Variants in MAGEB1 observed in about 807,000 individuals in gnomAD.
The protein encoded by MAGEB1 is melanoma-associated antigen B1.
For synonymous variants in MAGEB1, 99 were observed against 105.7 expected (o/e 0.94, Z 0.39); for missense variants, 290 against 286.7 (o/e 1.01, Z -0.08).
At chrX:30,248,833 C>T (rs960497298) in intron 1 of MAGEB1, among the ~76,000 whole-genome samples, 33 of 111,936 alleles carry the variant, frequency 2.9e-4, no homozygotes, top group African/African-American at 9.4e-4. Context: ...GAAAGAAACA[C>T]GGAATTCCTT....
chrX:30,251,040 C>T lies in MAGEB1; in HGVS notation c.547C>T (p.Leu183Phe). 8.3e-7 allele frequency: 1 copy of T among 1,211,209 alleles called. No homozygotes were observed. Among genetic ancestry groups the T allele is most frequent in the Non-Finnish European group, 1.1e-6 (1 of 895,199 alleles). ...CTACACCCTCGTCAGTAAGCTAAAC[C>T]TCACCAATGATGGAAACCTGAGCAA... ...HTYTLVSKLN[L>F]TNDGNLSNDW... The change falls in exon 2 of 2, where the codon CTC (leucine) becomes TTC (phenylalanine). Residue 183 changes from leucine (L) to phenylalanine (F), a missense_variant. Physicochemically the swap from Leu to Phe is conservative, Grantham distance 22 (BLOSUM62 0). Coordinates refer to ENST00000397548, the MANE Select transcript of MAGEB1 (RefSeq NM_177404.3).
rs1355924875 is a variant in MAGEB1, at chrX:30,251,114, G to A, written c.621G>A (p.Val207=). ...GGCTTCTGATGCCTCTCCTGGGTGTGATCTTCTTAAAGGGCAACTCTGCCA... is the reference window on the plus strand; with the variant it reads ...GGCTTCTGATGCCTCTCCTGGGTGTAATCTTCTTAAAGGGCAACTCTGCCA... ...RNGLLMPLLG[V]IFLKGNSATE... Residue 207 remains valine, a synonymous_variant, in exon 2 of 2, where the codon GTG becomes GTA. Transcript: ENST00000397548. The A allele has an allele frequency of 1.7e-6, 2 of 1,210,817 alleles. No homozygotes were observed. Among genetic ancestry groups the A allele is most frequent in the African/African-American group, 3.5e-5 (2 of 57,841 alleles).
intron 1 of MAGEB1, among the ~76,000 whole-genome samples, chrX:30,248,267 A>C (rs1925396297): frequency 8.9e-6 from 1 of 112,012 alleles, no homozygotes; most frequent in African/African-American, 3.2e-5. Flanking sequence ...TCATAGTCTT[A>C]GAGAGAGGAG....
chrX:30,251,150 G>T lies in MAGEB1; in HGVS notation c.657G>T (p.Glu219Asp), dbSNP rs1172427053. 3 of 1,211,918 alleles carry T rather than the reference G, an allele frequency of 2.5e-6. No individual in the cohort carries two copies. The Admixed American group carries it at 6.5e-5, about 26-fold the overall frequency. ...FLKGNSATEE[E>D]IWKFMNVLGA... is the part of the protein sequence containing the mutation. ...AGGGCAACTCTGCCACCGAGGAAGA[G>T]ATCTGGAAATTCATGAATGTGTTGG... Residue 219 changes from glutamate to aspartate, a missense_variant, in exon 2 of 2, where the codon GAG becomes GAT. Coordinates refer to ENST00000397548, the MANE Select transcript of MAGEB1 (RefSeq NM_177404.3).
rs190877643 is a variant in MAGEB1, at chrX:30,251,277, A to G, written c.784A>G (p.Asn262Asp). ...EKYLKYEQVP[N>D]SDPPRYQFLW... Reference sequence around the variant, plus strand: ...ATATCTGAAGTACGAGCAGGTGCCCAACAGTGATCCCCCACGCTATCAATT... The same window carrying G: ...ATATCTGAAGTACGAGCAGGTGCCCGACAGTGATCCCCCACGCTATCAATT... Residue 262 changes from asparagine to aspartate, a missense_variant, in exon 2 of 2, where the codon AAC becomes GAC. Transcript: ENST00000397548. The G allele has an allele frequency of 4.7e-5, 57 of 1,210,609 alleles. No individual in the cohort carries two copies. The highest frequency in any genetic ancestry group is 3.0e-4 in the Admixed American group (14 of 45,916).
rs761434949 is a variant in MAGEB1, at chrX:30,251,301, T to C, written c.808T>C (p.Phe270Leu). ...VPNSDPPRYQ[F>L]LWGPRAYAET... ...CAACAGTGATCCCCCACGCTATCAA[T>C]TCCTATGGGGTCCGAGAGCCTATGC... The change falls in exon 2 of 2, where the codon TTC becomes CTC. Residue 270 changes from phenylalanine to leucine, a missense_variant. Physicochemically the swap from Phe to Leu is conservative, Grantham distance 22. Transcript: ENST00000397548. 1.1e-5 allele frequency: 13 copies of C among 1,210,198 alleles called. No homozygotes were observed. The highest frequency in any genetic ancestry group is 3.5e-5 in the South Asian group (2 of 56,790).
At position 30,250,616 on chromosome X, in the gene MAGEB1, C is replaced by G. The variant is rs144613957; in HGVS notation, c.123C>G (p.Ser41=). ...CAGAGAAAGAGGAGTGCCCCTCCTC[C>G]TCTCCTGTTTTAGGGGATACTCCCA... ...TAAEKEECPS[S]SPVLGDTPTS... is the part of the protein sequence containing the mutation. Residue 41 remains serine, a synonymous_variant, in exon 2 of 2, where the codon TCC becomes TCG. Transcript: ENST00000397548. The G allele has an allele frequency of 8.3e-7, 1 of 1,207,719 alleles. No homozygotes were observed. Among genetic ancestry groups the G allele is most frequent in the Non-Finnish European group, 1.1e-6 (1 of 893,730 alleles).
chrX:30,247,450 C>G (rs1184254517), intron 1 of MAGEB1, 194 bp downstream of exon 1: 1 of 112,107 alleles, frequency 8.9e-6, no homozygotes, highest in Non-Finnish European at 1.9e-5. Flanking sequence ...AGGGTGAATT[C>G]TCAGGACTGG....
chrX:30,251,003 T>C lies in MAGEB1; in HGVS notation c.510T>C (p.Pro170=), dbSNP rs773114114. 8.3e-7 allele frequency: 1 copy of C among 1,211,632 alleles called. No individual in the cohort carries two copies. Among genetic ancestry groups the C allele is most frequent in the Non-Finnish European group, 1.1e-6 (1 of 895,431 alleles). Residue 170 remains proline, a synonymous_variant, in exon 2 of 2, where the codon CCT becomes CCC. Coordinates refer to ENST00000397548, the MANE Select transcript of MAGEB1 (RefSeq NM_177404.3). The stretch of plus-strand genomic sequence containing the variant: ...GCCTTGATTTGAAGGAAGACAACCC[T>C]AGTGGCCACACCTACACCCTCGTCA... ...VFGLDLKEDN[P]SGHTYTLVSK... is the part of the protein sequence containing the mutation.
chrX:30,246,336 C>CA (rs1475006994), upstream of MAGEB1: 16 of 112,144 alleles, frequency 1.4e-4, no homozygotes, highest in Non-Finnish European at 1.9e-5. Flanking sequence ...GAGTACAACT[C>CA]GAAATTCTCA....
chrX:30,245,609 C>A (rs1925280690), upstream of MAGEB1, among the ~76,000 whole-genome samples: 1 of 112,065 alleles, frequency 8.9e-6, no homozygotes, highest in African/African-American at 3.2e-5. Flanking sequence ...CTTCTACAAC[C>A]CCAAAGTGTG....
At chrX:30,245,475 C>A (rs1408439731), upstream of MAGEB1, among the ~76,000 whole-genome samples, 1 of 111,821 alleles carries the variant, frequency 8.9e-6, no homozygotes, top group Admixed American at 9.5e-5. Flanking sequence ...TATTAATGTG[C>A]CCAAGTTCAC....
At position 30,251,258 on chromosome X, in the gene MAGEB1, G is replaced by A. The variant is rs1379833757; in HGVS notation, c.765G>A (p.Leu255=). 2 of 1,210,627 alleles carry A rather than the reference G, an allele frequency of 1.7e-6. No homozygotes were observed. The highest frequency in any genetic ancestry group is 3.5e-5 in the African/African-American group (2 of 57,325). ...AAGATCTGGTGCAGGAAAAATATCTGAAGTACGAGCAGGTGCCCAACAGTG... is the reference window on the plus strand; with the variant it reads ...AAGATCTGGTGCAGGAAAAATATCTAAAGTACGAGCAGGTGCCCAACAGTG... ...ITQDLVQEKY[L]KYEQVPNSDP... Residue 255 remains leucine (L), a synonymous_variant, in exon 2 of 2, where the codon CTG becomes CTA. Transcript: ENST00000397548.
intron 1 of MAGEB1, among the ~76,000 whole-genome samples, chrX:30,250,224 A>G (rs1156764433): frequency 9.0e-6 from 1 of 111,397 alleles, no homozygotes; most frequent in Admixed American, 9.5e-5. Context: ...AAGATCCTGT[A>G]TATGAATTGA....
Position 30,250,975 on chromosome X carries a change from T to C in MAGEB1, c.482T>C (p.Phe161Ser). 4.1e-6 allele frequency: 5 copies of C among 1,211,719 alleles called. No individual in the cohort carries two copies. The highest frequency in any genetic ancestry group is 5.6e-6 in the Non-Finnish European group (5 of 895,393). The stretch of plus-strand genomic sequence containing the variant: ...GCCTCTCGCCGCTTGGAGCTCGTCT[T>C]TGGCCTTGATTTGAAGGAAGACAAC... ...NGASRRLELV[F>S]GLDLKEDNPS... The change falls in exon 2 of 2, where the codon TTT becomes TCT. Residue 161 changes from phenylalanine to serine, a missense_variant. Physicochemically the swap from Phe to Ser is radical, Grantham distance 155 (BLOSUM62 -2). Transcript: ENST00000397548.
At position 30,250,569 on chromosome X, in the gene MAGEB1, A is replaced by G. The variant is rs866485728; in HGVS notation, c.76A>G (p.Lys26Glu). The G allele has an allele frequency of 8.3e-7, 1 of 1,208,592 alleles. No individual in the cohort carries two copies. The highest frequency in any genetic ancestry group is 1.1e-6 in the Non-Finnish European group (1 of 893,642). Reference sequence around the variant, plus strand: ...GGCGCGAGAGGAGACCCAGGGTCTCAAGGTTGCTCACGCCACTGCAGCAGA... The same window carrying G: ...GGCGCGAGAGGAGACCCAGGGTCTCGAGGTTGCTCACGCCACTGCAGCAGA... ...RKAREETQGL[K>E]VAHATAAEKE... is the part of the protein sequence containing the mutation. Residue 26 changes from lysine (K) to glutamate (E), a missense_variant, in exon 2 of 2, where the codon AAG becomes GAG. Transcript: ENST00000397548.
rs1925340385 is a variant in MAGEB1, at chrX:30,247,152, A to C, written c.-165A>C. ...GGGCTGCCGGATGTGGCTCATCCTG[A>C]CTTCCGCTTTGAAGGCGAGGACCCC... On this transcript the variant is annotated 5_prime_UTR_variant, in exon 1 of 2. Transcript: ENST00000397548. The C allele has an allele frequency of 9.4e-6, 1 of 106,811 alleles. No homozygotes were observed. 8.8% of individuals were successfully genotyped at this position (106,811 alleles called of 1,213,427 possible).
At position 30,250,472 on chromosome X, in the gene MAGEB1, GT is replaced by G. The variant is rs1260713718; in HGVS notation, c.-18del. 9 of 1,155,138 alleles carry G rather than the reference GT, an allele frequency of 7.8e-6. No homozygotes were observed. In the African/African-American group the frequency reaches 1.1e-4, roughly 14 times the overall value. On this transcript the variant is annotated 5_prime_UTR_variant, in exon 2 of 2. Coordinates refer to ENST00000397548, the MANE Select transcript of MAGEB1 (RefSeq NM_177404.3). ...TGCCTTTCTGCTCACTTTCCTGCCTGTTTTGCCTGACCACAGCCATCATGCC... is the reference window on the plus strand; with the variant it reads ...TGCCTTTCTGCTCACTTTCCTGCCTGTTTGCCTGACCACAGCCATCATGCC...
chrX:30,251,562 G>C lies in MAGEB1; in HGVS notation c.*25G>C. On this transcript the variant is annotated 3_prime_UTR_variant, in exon 2 of 2. Coordinates refer to ENST00000397548, the MANE Select transcript of MAGEB1 (RefSeq NM_177404.3). Reference sequence around the variant, plus strand: ...AGAACTCAGGCAGATTGTTCACTTTGTTTTTGTGGCAAGATGCCAACCTTT... The same window carrying C: ...AGAACTCAGGCAGATTGTTCACTTTCTTTTTGTGGCAAGATGCCAACCTTT... The C allele has an allele frequency of 8.6e-7, 1 of 1,169,047 alleles. No individual in the cohort carries two copies. Among genetic ancestry groups the C allele is most frequent in the South Asian group, 2.0e-5 (1 of 51,227 alleles).
Sources: allele counts gnomAD v4.1 joint callset (sites outside exome capture counted in the v4.1 genomes callset), GRCh38; gene constraint gnomAD v4.1.1; transcripts MANE v1.5; gene names NCBI Gene and HGNC (gene_info 2026-07-23, HGNC 2026-07-21).